The following DRC10 variants were observed in gnomAD, a reference collection of about 807,000 sequenced individuals.
The protein encoded by DRC10 is dynein regulatory complex subunit 10, also known as IQ domain-containing protein D.
chr12:113,211,006 A>G, the DRC10 span, among the ~76,000 whole-genome samples: 1 of 152,162 alleles, frequency 6.6e-6, no homozygotes, highest in East Asian at 1.9e-4. Context: ...TTAAGAAACT[A>G]TGGCAGAAAT....
At chr12:113,195,868 C>T in the DRC10 span, 17 of 1,609,882 alleles carry the variant, frequency 1.1e-5, no homozygotes, top group African/African-American at 1.5e-4. Context: ...CTGTGAACAG[C>T]GTCCAGATCC....
the DRC10 span, among the ~76,000 whole-genome samples, chr12:113,198,705 G>A: frequency 6.6e-6 from 1 of 152,184 alleles, no homozygotes; most frequent in Non-Finnish European, 1.5e-5. Flanking sequence ...AGATAGAAGT[G>A]GTGGAAGTGG....
the DRC10 span, among the ~76,000 whole-genome samples, chr12:113,219,654 T>C: frequency 6.6e-6 from 1 of 152,174 alleles, no homozygotes; most frequent in African/African-American, 2.4e-5. Flanking sequence ...AAAATATCTT[T>C]TGAACCTCAA....
At chr12:113,208,432 A>G in the DRC10 span, 3 of 1,109,008 alleles carry the variant, frequency 2.7e-6, no homozygotes, top group Non-Finnish European at 1.2e-6. Context: ...TTAGGGCCAC[A>G]AGGGCAGGAA....
chr12:113,202,598 T>A, the DRC10 span, among the ~76,000 whole-genome samples: 3 of 152,188 alleles, frequency 2.0e-5, no homozygotes, highest in Admixed American at 6.5e-5. Flanking sequence ...AAGATATGCA[T>A]GGAAGTTCTG....
At chr12:113,198,572 T>C in the DRC10 span, among the ~76,000 whole-genome samples, 1 of 152,200 alleles carries the variant, frequency 6.6e-6, no homozygotes, top group East Asian at 1.9e-4. Flanking sequence ...GTGTCTAGAA[T>C]AGGTGAATCC....
At chr12:113,201,529 T>C in the DRC10 span, among the ~76,000 whole-genome samples, 1 of 152,110 alleles carries the variant, frequency 6.6e-6, no homozygotes, top group African/African-American at 2.4e-5. Context: ...AGACACTTAG[T>C]GGGGTGCATG....
At chr12:113,209,674 G>A in the DRC10 span, among the ~76,000 whole-genome samples, 22 of 152,200 alleles carry the variant, frequency 1.4e-4, no homozygotes, top group African/African-American at 4.6e-4. Context: ...AGGAGCCACC[G>A]TGCCGGGCCT....
the DRC10 span, among the ~76,000 whole-genome samples, chr12:113,218,066 AG>A: frequency 6.6e-6 from 1 of 152,122 alleles, no homozygotes; most frequent in African/African-American, 2.4e-5. Flanking sequence ...TACAATTGGC[AG>A]GATAGTTCCC....
chr12:113,205,655 C>A, the DRC10 span, among the ~76,000 whole-genome samples: 11 of 144,308 alleles, frequency 7.6e-5, no homozygotes, highest in East Asian at 4.3e-4. Flanking sequence ...TTTGGGAGGC[C>A]GAGGCGGGTG....
At chr12:113,208,041 G>T in the DRC10 span, 2 of 1,614,220 alleles carry the variant, frequency 1.2e-6, no homozygotes, top group South Asian at 2.2e-5. Context: ...TGGTGAGTTT[G>T]GTCCTAGAGA....
the DRC10 span, chr12:113,195,659 G>A: frequency 4.3e-6 from 7 of 1,613,114 alleles, no homozygotes; most frequent in South Asian, 1.1e-5. Context: ...GCTTCTTCTT[G>A]GATCTGAGCA....
At chr12:113,208,196 G>A in the DRC10 span, 12 of 1,583,646 alleles carry the variant, frequency 7.6e-6, no homozygotes, top group African/African-American at 1.5e-4. Context: ...GCCTCTGTAG[G>A]TCCACAGAGA....
At chr12:113,214,227 G>T in the DRC10 span, among the ~76,000 whole-genome samples, 1 of 152,026 alleles carries the variant, frequency 6.6e-6, no homozygotes. Flanking sequence ...TCACTGTTGC[G>T]GTTGGGCTCA....
chr12:113,213,367 C>G, the DRC10 span, among the ~76,000 whole-genome samples: 6 of 151,988 alleles, frequency 3.9e-5, no homozygotes, highest in African/African-American at 9.7e-5. Context: ...AGCATAGTAC[C>G]TGATAGGTAG....
At chr12:113,204,783 G>C in the DRC10 span, among the ~76,000 whole-genome samples, 1 of 152,116 alleles carries the variant, frequency 6.6e-6, no homozygotes, top group Non-Finnish European at 1.5e-5. Context: ...ACAAAAATTA[G>C]CCAGGCGTGG....
chr12:113,208,225 A>G, the DRC10 span: 1 of 1,534,230 alleles, frequency 6.5e-7, no homozygotes. Flanking sequence ...TCGGTAGACT[A>G]CTTGGGTCTC....
At chr12:113,219,541 TAA>T in the DRC10 span, among the ~76,000 whole-genome samples, 31 of 152,354 alleles carry the variant, frequency 2.0e-4, no homozygotes, top group South Asian at 6.2e-4. Context: ...TATTGAGTTA[TAA>T]GAGTTATTTT....
At chr12:113,208,519 T>A in the DRC10 span, 1 of 262,268 alleles carries the variant, frequency 3.8e-6, no homozygotes, top group Non-Finnish European at 6.8e-6. Context: ...TCTAAGGATT[T>A]AAAACCAGAG....
Sources: allele counts gnomAD v4.1 joint callset (sites outside exome capture counted in the v4.1 genomes callset), GRCh38; gene constraint gnomAD v4.1.1; transcripts MANE v1.5; gene names NCBI Gene and HGNC (gene_info 2026-07-23, HGNC 2026-07-21).